Variants in AFF3 observed in about 807,000 individuals in gnomAD.
AFF3 encodes AF4/FMR2 family member 3.
In AFF3, 32 loss-of-function variants were observed where a neutral mutation model predicts 129.7. The observed-to-expected ratio is 0.25, with a 90% confidence interval of 0.19 to 0.33. AFF3 has a LOEUF of 0.33. AFF3 is among the 10% of genes least tolerant of loss of function. AFF3 has a pLI of 1.00. For synonymous variants in AFF3, 644 were observed against 635.4 expected, an observed-to-expected ratio of 1.01 and a Z score of -0.20; for missense variants, 1,373 against 1,592.0, an observed-to-expected ratio of 0.86 and a Z score of 2.34.
chr2:100,032,903 C>T (rs1258609962), intron 4 of AFF3, among the ~76,000 whole-genome samples: 2 of 151,956 alleles, frequency 1.3e-5, no homozygotes, highest in East Asian at 3.9e-4. Flanking sequence ...GAGTAATTAC[C>T]ATAAGTAGTA....
At chr2:99,952,184 T>C (rs1676233605) in intron 7 of AFF3, among the ~76,000 whole-genome samples, 1 of 152,288 alleles carries the variant, frequency 6.6e-6, no homozygotes, top group East Asian at 1.9e-4. Context: ...TGCCCTTTGC[T>C]GCTGTTCTTG....
intron 12 of AFF3, among the ~76,000 whole-genome samples, chr2:99,652,389 G>A (rs994147964): frequency 6.6e-6 from 1 of 152,114 alleles, no homozygotes; most frequent in African/African-American, 2.4e-5. Context: ...GGATACTAAA[G>A]CCCTTCAAAG....
chr2:99,972,583 T>C (rs951317800), intron 7 of AFF3, among the ~76,000 whole-genome samples: 4 of 152,244 alleles, frequency 2.6e-5, no homozygotes, highest in Admixed American at 2.6e-4. Flanking sequence ...TTATTGGGCC[T>C]TTATGGTATG....
Position 99,548,900 on chromosome 2 carries a change from G to A in AFF3, c.*2574C>T, listed in dbSNP as rs888217825. 4 of 230,964 alleles carry A rather than the reference G, an allele frequency of 1.7e-5. No individual in the cohort carries two copies. Among genetic ancestry groups the A allele is most frequent in the East Asian group, 1.2e-4 (2 of 16,528 alleles). The allele number at this position is 230,964 out of a possible 1,614,324, so 14.3% of individuals were successfully genotyped here. ...ACTGCTGTACCAACGTGCTCCACAC[G>A]TGCTCCACAGATGAAACAAGACAGT... On this transcript the variant is annotated 3_prime_UTR_variant, in exon 25 of 25. Coordinates refer to ENST00000672756, the MANE Select transcript of AFF3 (RefSeq NM_001386135.1).
At position 99,909,943 on chromosome 2, in the gene AFF3, G is replaced by A. The variant is rs188751993; in HGVS notation, c.874-72419C>T. Among the ~76,000 whole-genome samples, 571 of 152,252 alleles carry A rather than the reference G, an allele frequency of 3.8e-3. 1 individual carries two copies. The highest frequency in any genetic ancestry group is 6.0e-3 in the Non-Finnish European group (410 of 68,008). On this transcript the variant is annotated intron_variant, in intron 7 of 24. Transcript: ENST00000672756. ...TTCTGCCAAAAGTTCATGTGTTGAA[G>A]TCCTAACCCCAGTTCCTCACAATGT...
At chr2:99,855,482 CT>C (rs1180325792) in intron 7 of AFF3, among the ~76,000 whole-genome samples, 1 of 151,946 alleles carries the variant, frequency 6.6e-6, no homozygotes, top group Non-Finnish European at 1.5e-5. Flanking sequence ...AAAAAAATAC[CT>C]TGATGGAGTA....
chr2:100,140,504 G>A (rs558501545), intron 1 of AFF3, among the ~76,000 whole-genome samples: 4 of 152,088 alleles, frequency 2.6e-5, no homozygotes, highest in Non-Finnish European at 5.9e-5. Flanking sequence ...AGATCCCAAC[G>A]CTGCTATTTC....
intron 4 of AFF3, among the ~76,000 whole-genome samples, chr2:100,072,713 G>A (rs1427727204): frequency 6.6e-6 from 1 of 152,140 alleles, no homozygotes; most frequent in African/African-American, 2.4e-5. Context: ...ATTAAGTGCA[G>A]GATTAATGCC....
intron 13 of AFF3, among the ~76,000 whole-genome samples, chr2:99,632,141 G>A (rs1035419964): frequency 6.8e-5 from 10 of 147,730 alleles, no homozygotes; most frequent in East Asian, 4.2e-4. Flanking sequence ...TTAGCCTCCC[G>A]AGTAGCTGGG....
intron 8 of AFF3, among the ~76,000 whole-genome samples, chr2:99,764,263 C>G (rs1232901655): frequency 1.3e-5 from 2 of 152,168 alleles, no homozygotes; most frequent in African/African-American, 2.4e-5. Context: ...CCACTGGAGA[C>G]CCTACCTTTC....
intron 14 of AFF3, among the ~76,000 whole-genome samples, chr2:99,596,497 CAAA>C (rs1679303123): frequency 1.3e-5 from 2 of 152,168 alleles, no homozygotes; most frequent in South Asian, 4.1e-4. Context: ...CTTCCCTAGA[CAAA>C]TGGGACACAG....
chr2:100,075,637 A>C (rs186406617), intron 4 of AFF3, among the ~76,000 whole-genome samples: 1 of 152,152 alleles, frequency 6.6e-6, no homozygotes, highest in Non-Finnish European at 1.5e-5. Flanking sequence ...TTATTAGGGA[A>C]ATAATTATGG....
chr2:99,638,254 T>C (rs1683850786), intron 13 of AFF3, among the ~76,000 whole-genome samples: 1 of 152,092 alleles, frequency 6.6e-6, no homozygotes. Context: ...GAGATGAAGT[T>C]TTACCATGTT....
intron 8 of AFF3, among the ~76,000 whole-genome samples, chr2:99,761,147 A>G (rs1682552535): frequency 6.7e-6 from 1 of 150,318 alleles, no homozygotes. Context: ...CTCCCTACAC[A>G]GATGTCTAGT....
intron 11 of AFF3, among the ~76,000 whole-genome samples, chr2:99,709,514 T>C (rs1394089823): frequency 6.6e-6 from 1 of 152,140 alleles, no homozygotes; most frequent in African/African-American, 2.4e-5. Context: ...CTTTGATAAC[T>C]GGGTCATGAG....
In AFF3 at chr2:99,547,977, GT is replaced by G. The variant is rs1180445497; in HGVS notation, c.*3496del. 3 of 211,726 alleles carry G rather than the reference GT, an allele frequency of 1.4e-5. No homozygotes were observed. Among genetic ancestry groups the G allele is most frequent in the Non-Finnish European group, 2.9e-5 (3 of 104,312 alleles). The allele number at this position is 211,726 out of a possible 1,614,324, so 13.1% of individuals were successfully genotyped here. A position where few individuals can be genotyped will look rare whatever the true frequency, so the allele number is the denominator to read the frequency against. ...CAGTACATTCCTCATTAGATTGTGG[GT>G]TTCAAGTTTCCATTTGCAATTTGAA... is the stretch of plus-strand genomic sequence containing the variant. On this transcript the variant is annotated 3_prime_UTR_variant, in exon 25 of 25. Transcript: ENST00000672756.
At chr2:99,576,593 G>C (rs537920097) in intron 18 of AFF3, among the ~76,000 whole-genome samples, 8 of 151,148 alleles carry the variant, frequency 5.3e-5, no homozygotes, top group African/African-American at 1.9e-4. Flanking sequence ...TTCTGACCTA[G>C]CTTTCTGGTT....
intron 12 of AFF3, among the ~76,000 whole-genome samples, chr2:99,651,446 G>GTT (rs1035854510): frequency 6.8e-6 from 1 of 146,482 alleles, no homozygotes; most frequent in African/African-American, 2.5e-5. Context: ...CATGGTTACT[G>GTT]TTTTTTTTTT....
At chr2:99,576,595 T>A (rs1412443307) in intron 18 of AFF3, among the ~76,000 whole-genome samples, 1 of 152,042 alleles carries the variant, frequency 6.6e-6, no homozygotes, top group Non-Finnish European at 1.5e-5. Context: ...CTGACCTAGC[T>A]TTCTGGTTCA....
Sources: allele counts gnomAD v4.1 joint callset (sites outside exome capture counted in the v4.1 genomes callset), GRCh38; gene constraint gnomAD v4.1.1; transcripts MANE v1.5; gene names NCBI Gene and HGNC (gene_info 2026-07-23, HGNC 2026-07-21).